Variants in SHISA6 observed in about 807,000 individuals in gnomAD.
SHISA6 encodes the protein shisa family member 6.
A neutral mutation model predicts 47.9 loss-of-function variants in SHISA6; 22 were observed. That is an observed-to-expected ratio of 0.46 (90% CI 0.33 to 0.66). SHISA6 has a LOEUF of 0.66. Ranked by LOEUF, SHISA6 falls within the 30% of genes least tolerant of loss-of-function variation. SHISA6 has a pLI of 0.02. For synonymous variants in SHISA6, 388 were observed against 337.8 expected (o/e 1.15, Z -1.63); for missense variants, 680 against 764.6 (o/e 0.89, Z 1.30).
chr17:11,476,134 C>T (rs1323226176), intron 3 of SHISA6, among the ~76,000 whole-genome samples: 1 of 151,856 alleles, frequency 6.6e-6, no homozygotes, highest in Non-Finnish European at 1.5e-5. Flanking sequence ...AGTGATGTCC[C>T]CTCTTTACTT....
chr17:11,285,848 T>C (rs2010211), intron 2 of SHISA6, among the ~76,000 whole-genome samples: 37,537 of 150,270 alleles, frequency 0.25, 5,217 homozygotes, highest in South Asian at 0.33. Context: ...TTTTTTTTTT[T>C]TTTTTTGAGA....
intron 2 of SHISA6, among the ~76,000 whole-genome samples, chr17:11,352,616 G>A (rs931108214): frequency 2.6e-5 from 4 of 152,174 alleles, no homozygotes; most frequent in Admixed American, 6.5e-5. Flanking sequence ...AAGTTGGGGC[G>A]ATTGGGGAAC....
At chr17:11,536,487 T>C (rs574370585) in intron 3 of SHISA6, among the ~76,000 whole-genome samples, 115 of 152,252 alleles carry the variant, frequency 7.6e-4, no homozygotes, top group Non-Finnish European at 1.4e-3. Flanking sequence ...TTGAGTTTTG[T>C]GATGTTAAGT....
intron 3 of SHISA6, among the ~76,000 whole-genome samples, chr17:11,541,770 C>G (rs1352185923): frequency 6.6e-6 from 1 of 152,100 alleles, no homozygotes; most frequent in Non-Finnish European, 1.5e-5. Flanking sequence ...GAGGACACAA[C>G]CAGAGCTTCC....
At chr17:11,350,707 G>C (rs1361991522) in intron 2 of SHISA6, among the ~76,000 whole-genome samples, 1 of 152,004 alleles carries the variant, frequency 6.6e-6, no homozygotes, top group African/African-American at 2.4e-5. Context: ...AGAGTGATCA[G>C]AGCATTTTTT....
rs760800852 is a variant in SHISA6 at position 11,557,994 on chromosome 17, C to T, written c.1346C>T (p.Thr449Met). ...RILSDEQLLS[T>M]ERLHSQDPLL... ...CTGTCCGACGAGCAGCTGCTCTCCA[C>T]GGAGCGCCTGCACTCCCAGGACCCG... Residue 449 changes from threonine (T) to methionine (M), a missense_variant, in exon 6 of 6, where the codon ACG becomes ATG. This residue lies in a region of SHISA6 where 559 missense variants were observed against 674.1 expected (regional missense o/e 0.83). Transcript: ENST00000441885. 5.2e-6 allele frequency: 8 copies of T among 1,551,528 alleles called. No homozygotes were observed. The highest frequency in any genetic ancestry group is 6.1e-6 in the Non-Finnish European group (7 of 1,146,956).
In SHISA6 at chr17:11,558,394, T is replaced by C; in HGVS notation, c.*90T>C. ...AGCAGAGCTTCTAGCCTTGCCACTCTCCCTTCCCTTGTCCCCTCTGTAGGA... is the reference window on the plus strand; with the variant it reads ...AGCAGAGCTTCTAGCCTTGCCACTCCCCCTTCCCTTGTCCCCTCTGTAGGA... On this transcript the variant is annotated 3_prime_UTR_variant, in exon 6 of 6. Coordinates refer to ENST00000441885, the MANE Select transcript of SHISA6 (RefSeq NM_207386.4). 1 of 1,383,110 alleles carries C rather than the reference T, an allele frequency of 7.2e-7. No individual in the cohort carries two copies. The allele number at this position is 1,383,110 out of a possible 1,614,324, so 85.7% of individuals were successfully genotyped here. A position where few individuals can be genotyped will look rare whatever the true frequency, so the allele number is the denominator to read the frequency against.
intron 3 of SHISA6, among the ~76,000 whole-genome samples, chr17:11,497,179 T>C (rs1450200402): frequency 2.0e-5 from 3 of 152,138 alleles, no homozygotes; most frequent in Admixed American, 6.5e-5. Flanking sequence ...GACAGTGTCA[T>C]GGGCCAAATA....
chr17:11,505,823 A>G (rs1341997652), intron 3 of SHISA6, among the ~76,000 whole-genome samples: 1 of 152,258 alleles, frequency 6.6e-6, no homozygotes, highest in Non-Finnish European at 1.5e-5. Flanking sequence ...CAGAGAATCA[A>G]CAACAATAGG....
At chr17:11,522,539 G>T (rs981051244) in intron 3 of SHISA6, among the ~76,000 whole-genome samples, 1 of 152,220 alleles carries the variant, frequency 6.6e-6, no homozygotes, top group East Asian at 1.9e-4. Flanking sequence ...AAGGGTGTGT[G>T]TTGGGGATGC....
chr17:11,427,342 C>T (rs1914636185), intron 3 of SHISA6, among the ~76,000 whole-genome samples: 1 of 152,124 alleles, frequency 6.6e-6, no homozygotes, highest in Non-Finnish European at 1.5e-5. Context: ...ACCATGTTGT[C>T]CAGGCTGGTC....
intron 3 of SHISA6, among the ~76,000 whole-genome samples, chr17:11,512,954 T>G (rs1052210957): frequency 2.6e-5 from 4 of 152,092 alleles, no homozygotes; most frequent in African/African-American, 9.7e-5. Flanking sequence ...GCAGTGAATT[T>G]TCTCAATTAT....
chr17:11,379,184 A>G (rs1912922281), intron 2 of SHISA6, among the ~76,000 whole-genome samples: 2 of 148,310 alleles, frequency 1.3e-5, no homozygotes, highest in African/African-American at 4.9e-5. Flanking sequence ...TAATATGTAT[A>G]TATAATTATA....
At chr17:11,402,120 C>A (rs77082924) in intron 3 of SHISA6, among the ~76,000 whole-genome samples, 75 of 152,280 alleles carry the variant, frequency 4.9e-4, no homozygotes, top group African/African-American at 1.7e-3. Flanking sequence ...GTTCTACTCT[C>A]TGAAGGGGCT....
At chr17:11,379,601 C>A in intron 3 of SHISA6, 92 bp downstream of exon 3, 2 of 844,046 alleles carry the variant, frequency 2.4e-6, no homozygotes, top group Non-Finnish European at 3.7e-6. Flanking sequence ...AGAGGCTTGT[C>A]TGGGACAGGA....
At chr17:11,447,126 A>G (rs1915259496) in intron 3 of SHISA6, among the ~76,000 whole-genome samples, 2 of 152,240 alleles carry the variant, frequency 1.3e-5, no homozygotes, top group Admixed American at 6.5e-5. Flanking sequence ...AGCTATCTCC[A>G]GGTGTCATTA....
intron 3 of SHISA6, among the ~76,000 whole-genome samples, chr17:11,545,393 G>A (rs565682590): frequency 6.6e-6 from 1 of 152,280 alleles, no homozygotes; most frequent in African/African-American, 2.4e-5. Flanking sequence ...GAAGGGGTGG[G>A]TGCAGGAAGG....
chr17:11,476,835 T>C (rs1442040738), intron 3 of SHISA6, among the ~76,000 whole-genome samples: 1 of 152,182 alleles, frequency 6.6e-6, no homozygotes, highest in African/African-American at 2.4e-5. Context: ...CTGTTGGATC[T>C]GTCCACTTCT....
At chr17:11,340,574 A>G (rs1165880694) in intron 2 of SHISA6, among the ~76,000 whole-genome samples, 1 of 152,216 alleles carries the variant, frequency 6.6e-6, no homozygotes, top group Non-Finnish European at 1.5e-5. Flanking sequence ...TTAATGGGAG[A>G]GAAACCAGAC....
Sources: allele counts gnomAD v4.1 joint callset (sites outside exome capture counted in the v4.1 genomes callset), GRCh38; gene constraint gnomAD v4.1.1; regional missense constraint gnomAD v4.1.1; transcripts MANE v1.5; gene names NCBI Gene and HGNC (gene_info 2026-07-23, HGNC 2026-07-21).